Variants in CHFR observed in about 807,000 individuals in gnomAD.
CHFR encodes the protein E3 ubiquitin-protein ligase CHFR.
A neutral mutation model predicts 87.6 loss-of-function variants in CHFR; 57 were observed. The observed-to-expected ratio is 0.65, with a 90% CI of 0.53 to 0.81. The LOEUF (loss-of-function observed/expected upper bound fraction) is 0.81, where lower values mean the gene tolerates loss of function less well. Ranked by LOEUF, CHFR falls within the 30% of genes least tolerant of loss-of-function variation. CHFR has a pLI of 0.00. For missense variants in CHFR, 797 were observed against 865.8 expected (o/e 0.92, Z 1.00); for synonymous variants, 381 against 359.2 (o/e 1.06, Z -0.69).
intron 11 of CHFR, among the ~76,000 whole-genome samples, chr12:132,852,416 C>G (rs1944467388): frequency 1.3e-5 from 2 of 151,360 alleles, no homozygotes. Flanking sequence ...CTCAAATAAA[C>G]AAAGGACAGC....
At position 132,848,631 on chromosome 12, in the gene CHFR, C is replaced by T; in HGVS notation, c.1576+10G>A. The stretch of plus-strand genomic sequence containing the variant: ...GTCAAAGCAACTGGGGCCTGAAGAG[C>T]CAGTATTACCACAAAACGGGGCCAG... On this transcript the variant is annotated intron_variant, in intron 13 of 17. Coordinates refer to ENST00000450056, the MANE Select transcript of CHFR (RefSeq NM_001161346.2). 1 of 1,583,246 alleles carries T rather than the reference C, an allele frequency of 6.3e-7. No individual in the cohort carries two copies. Among genetic ancestry groups the T allele is most frequent in the Admixed American group, 1.8e-5 (1 of 55,784 alleles).
chr12:132,881,748 G>C (rs1427908204), intron 2 of CHFR, among the ~76,000 whole-genome samples: 1 of 151,898 alleles, frequency 6.6e-6, no homozygotes, highest in African/African-American at 2.4e-5. Flanking sequence ...CGTGCCTGTA[G>C]TCCCAGCTAC....
intron 2 of CHFR, among the ~76,000 whole-genome samples, chr12:132,879,431 C>T (rs150837405): frequency 0.017 from 2,583 of 148,598 alleles, 108 homozygotes; most frequent in Admixed American, 0.07. Flanking sequence ...CTTTCTGTGG[C>T]CCAGGCTGGA....
intron 2 of CHFR, 26 bp downstream of exon 2, chr12:132,887,170 C>A (rs1951917582): frequency 4.8e-6 from 7 of 1,460,384 alleles, no homozygotes; most frequent in Non-Finnish European, 6.3e-6. Context: ...CGGCCCCGGC[C>A]CCCGGCCCCG....
chr12:132,870,661 A>T, intron 5 of CHFR, 63 bp downstream of exon 5: 5 of 1,221,380 alleles, frequency 4.1e-6, no homozygotes, highest in Non-Finnish European at 6.0e-6. Context: ...CTCCATCTCA[A>T]AACACAAAAG....
Position 132,847,922 on chromosome 12 carries a change from A to G in CHFR, c.1647+163T>C. ...AAACAGACAAACACCAATGGCATGCAGAGAACCAGCTGGCTGCACCAGTGA... is the reference window on the plus strand; with the variant it reads ...AAACAGACAAACACCAATGGCATGCGGAGAACCAGCTGGCTGCACCAGTGA... On this transcript the variant is annotated intron_variant, in intron 14 of 17. Coordinates refer to ENST00000450056, the MANE Select transcript of CHFR (RefSeq NM_001161346.2). The G allele has an allele frequency of 1.4e-6, 2 of 1,472,484 alleles. 1 individual carries two copies. Among genetic ancestry groups the G allele is most frequent in the South Asian group, 2.7e-5 (2 of 72,746 alleles). 91.2% of individuals were successfully genotyped at this position (1,472,484 alleles called of 1,614,324 possible).
chr12:132,882,880 A>G (rs1434399967), intron 2 of CHFR: 1 of 151,924 alleles, frequency 6.6e-6, no homozygotes, highest in Non-Finnish European at 1.5e-5. Flanking sequence ...TAATTTTTTA[A>G]GTTTTTGTAG....
At chr12:132,885,274 G>C (rs570152755) in intron 2 of CHFR, among the ~76,000 whole-genome samples, 1 of 151,194 alleles carries the variant, frequency 6.6e-6, no homozygotes, top group Admixed American at 6.6e-5. Context: ...TGCCAGGCGT[G>C]GTGGTGGGCG....
chr12:132,845,274 T>C (rs1419867433), intron 15 of CHFR, among the ~76,000 whole-genome samples: 3 of 151,384 alleles, frequency 2.0e-5, no homozygotes, highest in Non-Finnish European at 4.4e-5. Flanking sequence ...ACCAAGATGG[T>C]GAAACCTCAC....
At chr12:132,846,744 G>A (rs1046652788) in intron 15 of CHFR, among the ~76,000 whole-genome samples, 1 of 152,166 alleles carries the variant, frequency 6.6e-6, no homozygotes, top group Admixed American at 6.5e-5. Context: ...GCTGGGTGTG[G>A]TGGCACATGC....
Position 132,848,156 on chromosome 12 carries a change from C to A in CHFR, c.1577-1G>T. ...AGACACTTGTCACCCAGGTTGAGCT[C>A]TGCCGAGATGAAGGGGCAATGTTAC... is the stretch of plus-strand genomic sequence containing the variant. On this transcript the variant is annotated splice_acceptor_variant, in intron 13 of 17. Coordinates refer to ENST00000450056, the MANE Select transcript of CHFR (RefSeq NM_001161346.2). LOFTEE classifies it high-confidence loss of function. 1 of 1,614,092 alleles carries A rather than the reference C, an allele frequency of 6.2e-7. No homozygotes were observed. Among genetic ancestry groups the A allele is most frequent in the Non-Finnish European group, 8.5e-7 (1 of 1,179,994 alleles).
At chr12:132,880,708 T>C (rs1951747225) in intron 2 of CHFR, among the ~76,000 whole-genome samples, 1 of 151,172 alleles carries the variant, frequency 6.6e-6, no homozygotes, top group South Asian at 2.1e-4. Flanking sequence ...GGCTCACACC[T>C]GTAATCTCAG....
chr12:132,850,948 TAAC>T (rs955693159), intron 12 of CHFR, among the ~76,000 whole-genome samples: 2 of 144,592 alleles, frequency 1.4e-5, no homozygotes, highest in Admixed American at 1.4e-4. Flanking sequence ...TTTTTAATAA[TAAC>T]TGTATGTGTG....
At chr12:132,872,021 T>A (rs1188086893) in intron 4 of CHFR, 18 of 430,648 alleles carry the variant, frequency 4.2e-5, no homozygotes, top group Non-Finnish European at 1.2e-5. Flanking sequence ...ACCATCCCCA[T>A]CAGTTTCTCC....
rs971314022 is a variant in CHFR at position 132,840,913 on chromosome 12, G to A, written c.*641C>T. On this transcript the variant is annotated 3_prime_UTR_variant, in exon 18 of 18. Transcript: ENST00000450056. ...GGGTTAGCAGTTTTGGACATTGGAA[G>A]GTTTCTTTTTTTAATAAACAGAAGC... The A allele has an allele frequency of 2.0e-5, 3 of 152,454 alleles. No individual in the cohort carries two copies. Among genetic ancestry groups the A allele is most frequent in the African/African-American group, 7.2e-5 (3 of 41,444 alleles). The allele number at this position is 152,454 out of a possible 1,614,324, so 9.4% of individuals were successfully genotyped here.
intron 12 of CHFR, 49 bp from the exon 13 acceptor site, chr12:132,848,773 T>TC: frequency 7.3e-7 from 1 of 1,362,786 alleles, no homozygotes; most frequent in Non-Finnish European, 1.0e-6. Flanking sequence ...GAGGGCTGTC[T>TC]CCAACACAAT....
chr12:132,876,211 C>A (rs1951629137), intron 3 of CHFR, among the ~76,000 whole-genome samples: 1 of 151,930 alleles, frequency 6.6e-6, no homozygotes, highest in Admixed American at 6.6e-5. Context: ...GCTGACGCTA[C>A]AACAGTATGT....
Position 132,834,269 on chromosome 12 carries a change from G to A in CHFR, c.*7285C>T, listed in dbSNP as rs998660832. ...GTTAGAGCTGAGTGTCTGCCACAGA[G>A]ACCTAGAGCTACAGGGTGAAGGAAC... On this transcript the variant is annotated 3_prime_UTR_variant, in exon 18 of 18. Coordinates refer to ENST00000450056, the MANE Select transcript of CHFR (RefSeq NM_001161346.2). 1 of 152,416 alleles carries A rather than the reference G, an allele frequency of 6.6e-6. No individual in the cohort carries two copies. Among genetic ancestry groups the A allele is most frequent in the South Asian group, 2.1e-4 (1 of 4,830 alleles). 9.4% of individuals were successfully genotyped at this position (152,416 alleles called of 1,614,324 possible). A position where few individuals can be genotyped will look rare whatever the true frequency, so the allele number is the denominator to read the frequency against.
chr12:132,859,926 T>C (rs1951177539), intron 7 of CHFR, among the ~76,000 whole-genome samples: 1 of 152,046 alleles, frequency 6.6e-6, no homozygotes, highest in South Asian at 2.1e-4. Flanking sequence ...GCACCTGTGG[T>C]CTCAGCTACT....
Sources: gnomAD v4.1 joint callset for allele counts (sites outside exome capture counted in the v4.1 genomes callset) on GRCh38, gnomAD v4.1.1 for gene constraint, MANE v1.5 for transcripts, NCBI Gene and HGNC (gene_info 2026-07-23, HGNC 2026-07-21) for gene names.